The following MACROD2 variants were observed in gnomAD, a reference collection of about 807,000 sequenced individuals.
The protein encoded by MACROD2 is mono-ADP ribosylhydrolase 2.
In MACROD2, 36 loss-of-function variants were observed where a neutral mutation model predicts 70.4. That is an observed-to-expected ratio of 0.51 (90% confidence interval 0.39 to 0.68). The LOEUF (loss-of-function observed/expected upper bound fraction) is 0.68. Ranked by LOEUF, MACROD2 falls within the 30% of genes least tolerant of loss-of-function variation. MACROD2 has a pLI of 0.00. For missense variants in MACROD2, 496 were observed against 538.4 expected (o/e 0.92, Z 0.78); for synonymous variants, 172 against 178.8 (o/e 0.96, Z 0.30).
At chr20:15,103,927 G>A (rs1018253920) in intron 5 of MACROD2, among the ~76,000 whole-genome samples, 1 of 152,058 alleles carries the variant, frequency 6.6e-6, no homozygotes, top group Non-Finnish European at 1.5e-5. Context: ...TATACCTGGG[G>A]CAAAGGGAGA....
chr20:14,554,468 C>T (rs1261597826), intron 4 of MACROD2: 2 of 152,164 alleles, frequency 1.3e-5, no homozygotes, highest in Non-Finnish European at 2.9e-5. Context: ...ATCTGACTTA[C>T]TCTTTTGGAG....
rs1398699822 is a variant in MACROD2 at position 16,044,583 on chromosome 20, G to C, written c.1244G>C (p.Ser415Thr). The change falls in exon 17 of 18, where the codon AGT becomes ACT. Residue 415 changes from serine (S) to threonine (T), a missense_variant. Ser to Thr is a moderately conservative substitution (Grantham distance 58, BLOSUM62 1). Transcript: ENST00000684519. ...TTTCTGGTGACAGTTGAAATGAATA[G>C]TCAGGTTGACAAGGTAAATGACCCA... Reference protein sequence around the residue: ...NTPGPDVEMNSQVDKVNDPTE... With the variant: ...NTPGPDVEMNTQVDKVNDPTE... 4 of 1,610,336 alleles carry C rather than the reference G, an allele frequency of 2.5e-6. No homozygotes were observed. The highest frequency in any genetic ancestry group is 3.4e-6 in the Non-Finnish European group (4 of 1,178,056).
At chr20:15,691,691 A>G (rs974386569) in intron 8 of MACROD2, among the ~76,000 whole-genome samples, 3 of 152,210 alleles carry the variant, frequency 2.0e-5, no homozygotes, top group Admixed American at 6.5e-5. Context: ...TCCTGGAAAG[A>G]GAAGAGTTGA....
At chr20:15,513,410 G>A (rs763900307) in intron 8 of MACROD2, among the ~76,000 whole-genome samples, 75 of 152,166 alleles carry the variant, frequency 4.9e-4, no homozygotes, top group Non-Finnish European at 7.9e-4. Flanking sequence ...TGTTGCAGCA[G>A]GAATGGGATT....
intron 2 of MACROD2, among the ~76,000 whole-genome samples, chr20:14,067,261 C>T (rs1413521696): frequency 1.3e-5 from 2 of 150,874 alleles, no homozygotes; most frequent in Admixed American, 1.3e-4. Flanking sequence ...GTAGCTGGGA[C>T]TACTAGTGTG....
intron 8 of MACROD2, among the ~76,000 whole-genome samples, chr20:15,726,395 C>T (rs969486394): frequency 6.6e-6 from 1 of 152,088 alleles, no homozygotes; most frequent in Non-Finnish European, 1.5e-5. Context: ...AATGAACACA[C>T]ATGTACATGT....
At chr20:14,602,009 T>A (rs1982529988) in intron 4 of MACROD2, among the ~76,000 whole-genome samples, 1 of 152,204 alleles carries the variant, frequency 6.6e-6, no homozygotes. Context: ...TCAAAGCTTC[T>A]TGAGAACATG....
Position 14,485,633 on chromosome 20 carries a change from G to A in MACROD2, c.272-7846G>A, listed in dbSNP as rs897453528. Among the ~76,000 whole-genome samples the A allele has an allele frequency of 1.6e-4, 19 of 118,552 alleles. No homozygotes were observed. The South Asian group carries it at 2.4e-3, about 15-fold the overall frequency. The allele number at this position is 118,552 out of a possible 152,430, so 77.8% of individuals were successfully genotyped here. ...GGAGAATGACGTGAACCCAGGAGGC[G>A]GAGCTTGCAGTGAGCCGAGATCGTG... On this transcript the variant is annotated intron_variant, in intron 3 of 17. Coordinates refer to ENST00000684519, the MANE Select transcript of MACROD2 (RefSeq NM_001351661.2).
chr20:15,819,949 G>C (rs955504341), intron 8 of MACROD2, among the ~76,000 whole-genome samples: 1 of 152,162 alleles, frequency 6.6e-6, no homozygotes, highest in Non-Finnish European at 1.5e-5. Flanking sequence ...TGTGTGAGAT[G>C]ATAGATATGT....
chr20:15,307,279 G>A (rs1363098650), intron 6 of MACROD2, among the ~76,000 whole-genome samples: 6 of 152,210 alleles, frequency 3.9e-5, no homozygotes, highest in Non-Finnish European at 7.3e-5. Flanking sequence ...TAGATTTGCT[G>A]TGGACCAGCT....
At chr20:15,817,000 T>C (rs1286066392) in intron 8 of MACROD2, among the ~76,000 whole-genome samples, 2 of 152,222 alleles carry the variant, frequency 1.3e-5, no homozygotes, top group African/African-American at 4.8e-5. Flanking sequence ...CGATGCTCGT[T>C]ACCTGATCTC....
chr20:15,964,392 A>G (rs947824635), intron 12 of MACROD2, among the ~76,000 whole-genome samples: 1 of 152,140 alleles, frequency 6.6e-6, no homozygotes, highest in Middle Eastern at 3.4e-3. Context: ...CTGTGTCCTC[A>G]TTTGGTGGAA....
At chr20:15,699,425 A>C (rs2050423262) in intron 8 of MACROD2, among the ~76,000 whole-genome samples, 1 of 152,150 alleles carries the variant, frequency 6.6e-6, no homozygotes, top group Non-Finnish European at 1.5e-5. Context: ...TGTGATGTGA[A>C]CTGTCTATGG....
chr20:15,141,098 A>C (rs2076188578), intron 5 of MACROD2, among the ~76,000 whole-genome samples: 1 of 152,118 alleles, frequency 6.6e-6, no homozygotes, highest in African/African-American at 2.4e-5. Context: ...GCATACAGGC[A>C]CTAGCATACA....
chr20:14,529,859 T>G (rs756095073), intron 4 of MACROD2, among the ~76,000 whole-genome samples: 2 of 152,166 alleles, frequency 1.3e-5, no homozygotes, highest in Non-Finnish European at 2.9e-5. Flanking sequence ...TCAGAAAGAT[T>G]CATTTTTGAG....
At chr20:14,352,078 A>T (rs2083128073) in intron 3 of MACROD2, among the ~76,000 whole-genome samples, 1 of 152,232 alleles carries the variant, frequency 6.6e-6, no homozygotes, top group South Asian at 2.1e-4. Flanking sequence ...GATAAACCCC[A>T]CTTTGTCATA....
intron 4 of MACROD2, among the ~76,000 whole-genome samples, chr20:14,655,361 TGAGGGTG>T (rs1465833440): frequency 1.8e-4 from 20 of 112,840 alleles, no homozygotes; most frequent in African/African-American, 8.0e-4. Flanking sequence ...GTGTGTGTTT[TGAGGGTG>T]TGCTTGTGTG....
intron 5 of MACROD2, among the ~76,000 whole-genome samples, chr20:14,729,985 A>C (rs542459605): frequency 6.6e-6 from 1 of 152,260 alleles, no homozygotes; most frequent in South Asian, 2.1e-4. Flanking sequence ...TTTTAGGAGA[A>C]TCAAATAGAA....
intron 1 of MACROD2, among the ~76,000 whole-genome samples, chr20:13,998,799 C>T (rs542184014): frequency 1.3e-5 from 2 of 151,734 alleles, no homozygotes; most frequent in African/African-American, 4.8e-5. Flanking sequence ...ACTAAAAATA[C>T]AAAAAATTAG....
Sources: allele counts gnomAD v4.1 joint callset (sites outside exome capture counted in the v4.1 genomes callset), GRCh38; gene constraint gnomAD v4.1.1; transcripts MANE v1.5; gene names NCBI Gene and HGNC (gene_info 2026-07-23, HGNC 2026-07-21).